CATSPERE: variants seen among roughly 807,000 people sequenced by gnomAD.
CATSPERE encodes catsper channel auxiliary subunit epsilon, also known as cation channel sperm-associated auxiliary subunit epsilon.
In CATSPERE, 93 loss-of-function variants were observed where a neutral mutation model predicts 114.1. That is an observed-to-expected ratio of 0.81 (90% CI 0.69 to 0.97). CATSPERE has a LOEUF of 0.97. Ranked by LOEUF, CATSPERE falls within the 50% of genes least tolerant of loss-of-function variation. The pLI is 0.00. For synonymous variants in CATSPERE, 341 were observed against 384.1 expected (o/e 0.89, Z 1.31); for missense variants, 1,058 against 1,131.6 (o/e 0.93, Z 0.93).
At chr1:244,475,744 C>T (rs920658602) in intron 2 of CATSPERE, among the ~76,000 whole-genome samples, 8 of 151,222 alleles carry the variant, frequency 5.3e-5, no homozygotes, top group African/African-American at 1.9e-4. Flanking sequence ...ACCATGTTGG[C>T]CAGGATGGTC....
intron 2 of CATSPERE, among the ~76,000 whole-genome samples, chr1:244,464,256 TTAATA>T (rs1667246915): frequency 6.6e-6 from 1 of 152,222 alleles, no homozygotes; most frequent in Non-Finnish European, 1.5e-5. Flanking sequence ...GGGAGTGCTA[TTAATA>T]ATTATACAAC....
Position 244,584,026 on chromosome 1 carries a change from A to AATACCTCCATAC in CATSPERE, c.2085+97_2085+98insACATACCTCCAT, listed in dbSNP as rs1417869714. 286 of 986,108 alleles carry AATACCTCCATAC rather than the reference A, an allele frequency of 2.9e-4. 1 individual carries two copies. In the African/African-American group the frequency reaches 3.9e-3, roughly 13 times the overall value. 61.1% of individuals were successfully genotyped at this position (986,108 alleles called of 1,614,324 possible). A position where few individuals can be genotyped will look rare whatever the true frequency, so the allele number is the denominator to read the frequency against. On this transcript the variant is annotated intron_variant, in intron 13 of 21. Coordinates refer to ENST00000366534, the MANE Select transcript of CATSPERE (RefSeq NM_001130957.2). Reference sequence around the variant, plus strand: ...AATAATGCATACAATACCTCCGTACAATACCTCCATGCAATACCTCCATAC... The same window carrying AATACCTCCATAC: ...AATAATGCATACAATACCTCCGTACAATACCTCCATACATACCTCCATGCAATACCTCCATAC...
intron 20 of CATSPERE, among the ~76,000 whole-genome samples, chr1:244,625,553 C>T (rs1196291350): frequency 6.1e-5 from 9 of 147,612 alleles, no homozygotes; most frequent in Admixed American, 5.4e-4. Flanking sequence ...CTCAGCCTCC[C>T]GAGTAGCTGG....
intron 8 of CATSPERE, among the ~76,000 whole-genome samples, chr1:244,534,276 C>A (rs958759682): frequency 3.3e-5 from 5 of 152,044 alleles, no homozygotes; most frequent in African/African-American, 1.2e-4. Flanking sequence ...TGTTCTGTAA[C>A]CTTCTTGTAC....
chr1:244,603,664 T>A (rs2148672757), intron 17 of CATSPERE, among the ~76,000 whole-genome samples: 1 of 148,122 alleles, frequency 6.8e-6, no homozygotes, highest in South Asian at 2.1e-4. Context: ...CAATTAAGAT[T>A]TTTTTTTTTT....
At chr1:244,609,101 G>A (rs549848990) in intron 18 of CATSPERE, among the ~76,000 whole-genome samples, 2 of 152,026 alleles carry the variant, frequency 1.3e-5, no homozygotes, top group South Asian at 2.1e-4. Context: ...CAGGAGAATC[G>A]CTTGAACCCA....
intron 11 of CATSPERE, among the ~76,000 whole-genome samples, chr1:244,576,021 G>C (rs1335362844): frequency 6.6e-6 from 1 of 152,074 alleles, no homozygotes; most frequent in Non-Finnish European, 1.5e-5. Flanking sequence ...TCCTGTCCAA[G>C]GAATGTTTTA....
At chr1:244,474,176 C>A (rs372348986) in intron 2 of CATSPERE, among the ~76,000 whole-genome samples, 2 of 151,902 alleles carry the variant, frequency 1.3e-5, no homozygotes, top group Non-Finnish European at 2.9e-5. Context: ...GGATTACAGG[C>A]GCCCACCACC....
rs1190499851 is a variant in CATSPERE at position 244,605,699 on chromosome 1, G to C, written c.2308G>C (p.Asp770His). The C allele has an allele frequency of 6.2e-7, 1 of 1,601,832 alleles. No homozygotes were observed. The highest frequency in any genetic ancestry group is 1.7e-5 in the Admixed American group (1 of 59,864). ...TCTGTTTGTTGTTTCTTTCAGATTT[G>C]ATGATAATGGCTATGTTAAAGACGT... is the stretch of plus-strand genomic sequence containing the variant. ...EKFQPVVQLF[D>H]DNGYVKDVEA... Residue 770 changes from aspartate to histidine, a missense_variant, in exon 18 of 22, where the codon GAT (aspartate) becomes CAT (histidine). Physicochemically the swap from Asp to His is moderately conservative, Grantham distance 81. This residue lies in a region of CATSPERE where 787 missense variants were observed against 905.6 expected (regional missense o/e 0.87). Coordinates refer to ENST00000366534, the MANE Select transcript of CATSPERE (RefSeq NM_001130957.2).
chr1:244,577,975 GATAA>G (rs1265786774), intron 11 of CATSPERE, among the ~76,000 whole-genome samples: 1 of 152,148 alleles, frequency 6.6e-6, no homozygotes, highest in Non-Finnish European at 1.5e-5. Flanking sequence ...AATAAAGTAT[GATAA>G]ATAAAATAGG....
intron 2 of CATSPERE, among the ~76,000 whole-genome samples, chr1:244,471,945 C>T (rs1205461728): frequency 2.0e-5 from 3 of 152,100 alleles, no homozygotes; most frequent in Non-Finnish European, 4.4e-5. Context: ...TAAGAAACTA[C>T]ACAACAGTTT....
At chr1:244,596,785 A>C (rs528074371) in intron 17 of CATSPERE, among the ~76,000 whole-genome samples, 1 of 152,002 alleles carries the variant, frequency 6.6e-6, no homozygotes, top group African/African-American at 2.4e-5. Context: ...TTTAAAAAAA[A>C]AAAAAAAGAA....
intron 5 of CATSPERE, among the ~76,000 whole-genome samples, chr1:244,487,161 A>G (rs2148201249): frequency 1.3e-5 from 2 of 148,878 alleles, no homozygotes; most frequent in East Asian, 4.0e-4. Flanking sequence ...CCACATACAG[A>G]CCCTCGTAGT....
At chr1:244,489,912 T>C (rs188988320) in intron 5 of CATSPERE, among the ~76,000 whole-genome samples, 2 of 152,300 alleles carry the variant, frequency 1.3e-5, no homozygotes, top group Non-Finnish European at 2.9e-5. Context: ...TACTGGTTAC[T>C]GGGAGAGAGC....
intron 8 of CATSPERE, among the ~76,000 whole-genome samples, chr1:244,537,748 G>C (rs1314524085): frequency 2.0e-5 from 3 of 152,066 alleles, no homozygotes; most frequent in Non-Finnish European, 4.4e-5. Context: ...TTTAAATTTT[G>C]TTAAGGTGCA....
intron 7 of CATSPERE, among the ~76,000 whole-genome samples, chr1:244,509,581 C>T (rs576931850): frequency 6.6e-6 from 1 of 152,112 alleles, no homozygotes; most frequent in African/African-American, 2.4e-5. Flanking sequence ...CAGGGTAACG[C>T]TTGCCTTGTA....
At chr1:244,505,603 T>A (rs1165203487) in intron 7 of CATSPERE, among the ~76,000 whole-genome samples, 1 of 152,178 alleles carries the variant, frequency 6.6e-6, no homozygotes, top group Non-Finnish European at 1.5e-5. Context: ...AATAAGAAAC[T>A]AGACTCCCAC....
At chr1:244,515,518 A>G (rs367612375) in intron 7 of CATSPERE, among the ~76,000 whole-genome samples, 6 of 152,340 alleles carry the variant, frequency 3.9e-5, no homozygotes, top group Admixed American at 6.5e-5. Context: ...CTGGCTTACA[A>G]TTTGATGAGT....
At position 244,584,540 on chromosome 1, in the gene CATSPERE, A is replaced by ATATTATAT. The variant is rs548449574; in HGVS notation, c.2085+604_2085+605insTATATTAT. On this transcript the variant is annotated intron_variant, in intron 13 of 21. Coordinates refer to ENST00000366534, the MANE Select transcript of CATSPERE (RefSeq NM_001130957.2). Reference sequence around the variant, plus strand: ...AACTGAACAGTATTATTACTATATTATATATTATATTATAGTATTGTGAAA... The same window carrying ATATTATAT: ...AACTGAACAGTATTATTACTATATTATATTATATTATATTATATTATAGTATTGTGAAA... Among the ~76,000 whole-genome samples, 473 of 118,900 alleles carry ATATTATAT rather than the reference A, an allele frequency of 4.0e-3. 6 individuals are homozygous for ATATTATAT. The highest frequency in any genetic ancestry group is 0.014 in the African/African-American group (450 of 32,594). The allele number at this position is 118,900 out of a possible 152,430, so 78.0% of individuals were successfully genotyped here.
Sources: gnomAD v4.1 joint callset for allele counts (sites outside exome capture counted in the v4.1 genomes callset) on GRCh38, gnomAD v4.1.1 for gene constraint, gnomAD v4.1.1 regional missense constraint, MANE v1.5 for transcripts, NCBI Gene and HGNC (gene_info 2026-07-23, HGNC 2026-07-21) for gene names.